Variants in TRAM2 observed in about 807,000 individuals in gnomAD.
TRAM2 encodes translocation associated membrane protein 2, also known as translocating chain-associated membrane protein 2.
In TRAM2, 12 loss-of-function variants were observed where a neutral mutation model predicts 51.0. The observed-to-expected ratio is 0.24, with a 90% CI of 0.15 to 0.38. The LOEUF (loss-of-function observed/expected upper bound fraction) is 0.38, where lower values mean the gene tolerates loss of function less well. TRAM2 is among the 10% of genes least tolerant of loss of function. The pLI is 1.00. For synonymous variants in TRAM2, 175 were observed against 179.4 expected (o/e 0.98, Z 0.20); for missense variants, 361 against 462.0 (o/e 0.78, Z 2.00).
intron 1 of TRAM2, among the ~76,000 whole-genome samples, chr6:52,540,981 CACAAAG>C (rs1423925747): frequency 6.6e-6 from 1 of 152,200 alleles, no homozygotes; most frequent in African/African-American, 2.4e-5. Flanking sequence ...GGGCATCAAA[CACAAAG>C]GCAAAGGCCT....
intron 1 of TRAM2, among the ~76,000 whole-genome samples, chr6:52,540,305 G>A (rs1221468016): frequency 6.6e-6 from 1 of 151,900 alleles, no homozygotes; most frequent in Non-Finnish European, 1.5e-5. Flanking sequence ...ACACAATACT[G>A]CACATAGAAT....
At chr6:52,566,736 G>C (rs368206066) in intron 1 of TRAM2, among the ~76,000 whole-genome samples, 6 of 152,110 alleles carry the variant, frequency 3.9e-5, no homozygotes, top group African/African-American at 1.4e-4. Flanking sequence ...TACAAAGGAC[G>C]GACTATTCTA....
chr6:52,505,994 G>A (rs770030551), intron 8 of TRAM2, 38 bp downstream of exon 8: 2 of 1,606,206 alleles, frequency 1.2e-6, no homozygotes, highest in East Asian at 4.5e-5. Flanking sequence ...CCCCTGCCCA[G>A]GCCTCTAAGC....
intron 1 of TRAM2, among the ~76,000 whole-genome samples, chr6:52,558,526 G>A (rs1767448496): frequency 6.6e-6 from 1 of 152,204 alleles, no homozygotes; most frequent in African/African-American, 2.4e-5. Context: ...ACTTAAAAAT[G>A]GTTAAGATGG....
At chr6:52,541,711 C>T (rs553361669) in intron 1 of TRAM2, among the ~76,000 whole-genome samples, 21 of 152,140 alleles carry the variant, frequency 1.4e-4, no homozygotes, top group Admixed American at 3.3e-4. Context: ...AAGTTGTTAG[C>T]TGGTCACCAA....
rs1326216259 is a variant in TRAM2 at position 52,501,543 on chromosome 6, T to C, written c.*1654A>G. ...CCTCAAAACAGAGTTCGGAGGTTCT[T>C]AATTGGGACTTTTGTTTTTTTAGAC... On this transcript the variant is annotated 3_prime_UTR_variant, in exon 11 of 11. Coordinates refer to ENST00000182527, the MANE Select transcript of TRAM2 (RefSeq NM_012288.4). 6.6e-6 allele frequency: 1 copy of C among 152,192 alleles called. No homozygotes were observed. The highest frequency in any genetic ancestry group is 6.5e-5 in the Admixed American group (1 of 15,286). The allele number at this position is 152,192 out of a possible 1,614,324, so 9.4% of individuals were successfully genotyped here.
chr6:52,559,920 C>T (rs4715307), intron 1 of TRAM2, among the ~76,000 whole-genome samples: 97,105 of 151,880 alleles, frequency 0.64, 31,529 homozygotes, highest in Admixed American at 0.71. Context: ...AAAAGCAATA[C>T]ACACCTACTG....
At chr6:52,552,102 G>A (rs1767319423) in intron 1 of TRAM2, among the ~76,000 whole-genome samples, 2 of 152,254 alleles carry the variant, frequency 1.3e-5, no homozygotes, top group South Asian at 4.1e-4. Context: ...GCAGGCCCTG[G>A]GCCACATTCT....
chr6:52,512,891 G>T (rs940214383), intron 4 of TRAM2, among the ~76,000 whole-genome samples: 2 of 152,168 alleles, frequency 1.3e-5, no homozygotes, highest in African/African-American at 4.8e-5. Flanking sequence ...AACCGGTCCT[G>T]GTACAAGCAC....
At chr6:52,561,524 C>T (rs1160582339) in intron 1 of TRAM2, among the ~76,000 whole-genome samples, 2 of 147,114 alleles carry the variant, frequency 1.4e-5, no homozygotes, top group East Asian at 2.1e-4. Context: ...CTCGCTCTGT[C>T]GCCCAGGCTG....
chr6:52,546,274 G>A (rs1243684422), intron 1 of TRAM2, among the ~76,000 whole-genome samples: 4 of 152,178 alleles, frequency 2.6e-5, no homozygotes, highest in African/African-American at 9.7e-5. Flanking sequence ...TGGAAGGTTG[G>A]CAGAAGGCAG....
At chr6:52,539,265 C>T (rs933012154) in intron 1 of TRAM2, among the ~76,000 whole-genome samples, 2 of 152,156 alleles carry the variant, frequency 1.3e-5, no homozygotes, top group South Asian at 2.1e-4. Flanking sequence ...GGATGAGAGC[C>T]GGAACTGGAG....
At chr6:52,527,510 C>T (rs1022790790) in intron 2 of TRAM2, among the ~76,000 whole-genome samples, 16 of 10,686 alleles carry the variant, frequency 1.5e-3, no homozygotes, top group East Asian at 0.015. Flanking sequence ...AGAAAGGGTG[C>T]GGGGTGGGGT....
rs73447921 is a variant in TRAM2 at position 52,526,401 on chromosome 6, T to C, written c.184+9382A>G. 1.7e-3 allele frequency among the ~76,000 whole-genome samples: 258 copies of C among 152,236 alleles called. 1 individual carries two copies. The highest frequency in any genetic ancestry group is 5.9e-3 in the African/African-American group (247 of 41,552). On this transcript the variant is annotated intron_variant, in intron 2 of 10. Transcript: ENST00000182527. ...GTTGATAAGATCCCAGGTTTCTGCA[T>C]TGCTTTTTGTTTTTGTTTTTTTTGG...
chr6:52,506,009 C>T (rs752264232), intron 8 of TRAM2, 23 bp downstream of exon 8: 9 of 1,612,542 alleles, frequency 5.6e-6, no homozygotes, highest in East Asian at 2.2e-5. Context: ...CTAAGCGGGC[C>T]AGCCTGCAGC....
intron 1 of TRAM2, among the ~76,000 whole-genome samples, chr6:52,570,574 G>T (rs1291793543): frequency 6.6e-6 from 1 of 152,174 alleles, no homozygotes; most frequent in East Asian, 1.9e-4. Flanking sequence ...CCAGGCTCTG[G>T]ATGAGTATGG....
intron 2 of TRAM2, among the ~76,000 whole-genome samples, chr6:52,535,324 G>A (rs543350592): frequency 1.3e-5 from 2 of 152,284 alleles, no homozygotes; most frequent in African/African-American, 4.8e-5. Flanking sequence ...AGTTCTTAGC[G>A]GTTAATGCTG....
At chr6:52,503,372 G>A in intron 10 of TRAM2, 102 bp from the exon 11 acceptor site, 3 of 1,046,846 alleles carry the variant, frequency 2.9e-6, no homozygotes, top group South Asian at 2.5e-5. Flanking sequence ...GGGCAGCCCA[G>A]CTGCTATACA....
At chr6:52,559,620 T>C (rs1021372941) in intron 1 of TRAM2, among the ~76,000 whole-genome samples, 1 of 152,230 alleles carries the variant, frequency 6.6e-6, no homozygotes, top group Non-Finnish European at 1.5e-5. Flanking sequence ...GACACGCTTG[T>C]TATCTTTGAT....
Sources: allele counts gnomAD v4.1 joint callset (sites outside exome capture counted in the v4.1 genomes callset), GRCh38; gene constraint gnomAD v4.1.1; transcripts MANE v1.5; gene names NCBI Gene and HGNC (gene_info 2026-07-23, HGNC 2026-07-21).